Variants in LRRC9 observed in about 807,000 individuals in gnomAD.
LRRC9 encodes the protein leucine rich repeat containing 9.
A neutral mutation model predicts 63.2 loss-of-function variants in LRRC9; 122 were observed. That is an observed-to-expected ratio of 1.93 (90% confidence interval 1.67 to 2.24). The LOEUF (loss-of-function observed/expected upper bound fraction) is 2.24. Among genes scored for constraint, LRRC9 ranks in the 30% most tolerant of loss-of-function variants. The pLI, the probability that LRRC9 is intolerant of heterozygous loss-of-function variation, is 0.00. For synonymous variants in LRRC9, 366 were observed against 213.1 expected (o/e 1.72, Z -6.25); for missense variants, 1,071 against 627.7 (o/e 1.71, Z -7.55).
chr14:59,996,360 A>G (rs1888790571), intron 17 of LRRC9, among the ~76,000 whole-genome samples: 2 of 152,146 alleles, frequency 1.3e-5, no homozygotes. Flanking sequence ...AAATTTTTTT[A>G]GGTTTTAATT....
At chr14:59,921,041 G>A (rs563804321) in intron 1 of LRRC9, among the ~76,000 whole-genome samples, 2 of 152,294 alleles carry the variant, frequency 1.3e-5, no homozygotes. Context: ...GAAAGAGAAT[G>A]CTTATAATAC....
chr14:60,063,259 G>T, intron 31 of LRRC9, 64 bp from the exon 33 acceptor site: 1 of 680,804 alleles, frequency 1.5e-6, no homozygotes, highest in Non-Finnish European at 2.6e-6. Context: ...ATTACCTTAA[G>T]TTAGCTGATC....
At chr14:59,925,447 C>G (rs894425084) in intron 1 of LRRC9, among the ~76,000 whole-genome samples, 3 of 152,160 alleles carry the variant, frequency 2.0e-5, no homozygotes, top group Non-Finnish European at 4.4e-5. Flanking sequence ...CTTTCTCCAT[C>G]AAGCCCTTTA....
chr14:59,971,215 C>A (rs995881560), intron 12 of LRRC9, among the ~76,000 whole-genome samples: 1 of 151,984 alleles, frequency 6.6e-6, no homozygotes, highest in Non-Finnish European at 1.5e-5. Flanking sequence ...TTTTTGTCAG[C>A]TTTGTTGAAA....
intron 19 of LRRC9, among the ~76,000 whole-genome samples, chr14:60,000,514 C>A (rs1889255111): frequency 6.6e-6 from 1 of 151,990 alleles, no homozygotes; most frequent in South Asian, 2.1e-4. Context: ...GTGGTATTGG[C>A]ACAGAGCTAG....
rs748756995 is a variant in LRRC9, at chr14:59,958,819, G to A, written c.883-999G>A. 2.6e-5 allele frequency among the ~76,000 whole-genome samples: 4 copies of A among 152,318 alleles called. No individual in the cohort carries two copies. The highest frequency in any genetic ancestry group is 3.9e-4 in the East Asian group (2 of 5,184). On this transcript the variant is annotated intron_variant, in intron 8 of 31. Coordinates refer to ENST00000445360, the Ensembl canonical transcript of LRRC9. The surrounding 1 kb of genome is among the most constrained non-coding windows in gnomAD (Gnocchi z 4.0). ...AACGGTGGGAAAAGCATAGTAACCC[G>A]GCTGGGTAGCACAGTCCCTCACAGC...
At chr14:59,921,693 G>C (rs185165632) in intron 1 of LRRC9, among the ~76,000 whole-genome samples, 104 of 151,604 alleles carry the variant, frequency 6.9e-4, no homozygotes, top group African/African-American at 2.4e-3. Context: ...CATTCAGATG[G>C]AGCTTTTTCA....
intron 29 of LRRC9, among the ~76,000 whole-genome samples, chr14:60,033,438 A>T (rs1351938388): frequency 6.6e-6 from 1 of 152,158 alleles, no homozygotes; most frequent in East Asian, 1.9e-4. Flanking sequence ...AGGTTATGGG[A>T]AGATAACCTA....
chr14:59,945,311 G>A (rs78175323), intron 8 of LRRC9, among the ~76,000 whole-genome samples: 2,182 of 151,900 alleles, frequency 0.014, 54 homozygotes, highest in East Asian at 0.059. Flanking sequence ...AACTCAAAAC[G>A]GAATCTTGTA....
chr14:59,980,025 A>G (rs1886760811), intron 15 of LRRC9, among the ~76,000 whole-genome samples: 1 of 152,152 alleles, frequency 6.6e-6, no homozygotes, highest in African/African-American at 2.4e-5. Flanking sequence ...TCACAAGTTA[A>G]TTTTTAAGAG....
At chr14:60,000,229 G>A (rs567527791) in intron 19 of LRRC9, among the ~76,000 whole-genome samples, 8 of 152,142 alleles carry the variant, frequency 5.3e-5, no homozygotes, top group South Asian at 2.1e-4. Flanking sequence ...ACTTATAAGC[G>A]GGAGCTAAAC....
At chr14:60,062,080 G>A (rs1894691034) in intron 31 of LRRC9, 1 of 398,378 alleles carries the variant, frequency 2.5e-6, no homozygotes, top group Non-Finnish European at 4.4e-6. Flanking sequence ...ATAGCTTTTC[G>A]GCAACTCAGA....
intron 23 of LRRC9, among the ~76,000 whole-genome samples, chr14:60,011,720 C>G (rs997108473): frequency 6.6e-6 from 1 of 152,062 alleles, no homozygotes; most frequent in African/African-American, 2.4e-5. Context: ...AATGGGAATG[C>G]ATTGGATTTG....
intron 7 of LRRC9, among the ~76,000 whole-genome samples, chr14:59,943,846 T>C (rs1882052311): frequency 6.6e-6 from 1 of 151,956 alleles, no homozygotes. Context: ...TGTCTAAGAG[T>C]GTAAAAGCCT....
rs1341572097 is a variant in LRRC9, at chr14:59,958,419, C to G, written c.883-1399C>G. Reference sequence around the variant, plus strand: ...GGCCCAGACCTCCCAAACTCCTTAGCACTGTCAGGGAAAAACCACCTACTA... The same window carrying G: ...GGCCCAGACCTCCCAAACTCCTTAGGACTGTCAGGGAAAAACCACCTACTA... On this transcript the variant is annotated intron_variant, in intron 8 of 31. Transcript: ENST00000445360. The surrounding 1 kb of genome is among the most constrained non-coding windows in gnomAD (Gnocchi z 4.0). Among the ~76,000 whole-genome samples, 1 of 152,198 alleles carries G rather than the reference C, an allele frequency of 6.6e-6. No homozygotes were observed. Among genetic ancestry groups the G allele is most frequent in the South Asian group, 2.1e-4 (1 of 4,826 alleles).
At chr14:60,038,418 T>C (rs1892640403) in intron 29 of LRRC9, among the ~76,000 whole-genome samples, 1 of 151,344 alleles carries the variant, frequency 6.6e-6, no homozygotes, top group Non-Finnish European at 1.5e-5. Flanking sequence ...TTCTTCCATT[T>C]GTTTGTGTCC....
chr14:59,960,679 A>G (rs572105317), intron 9 of LRRC9, among the ~76,000 whole-genome samples: 1 of 152,378 alleles, frequency 6.6e-6, no homozygotes, highest in Admixed American at 6.5e-5. Context: ...TGTAAGTGGT[A>G]GAGCAAGGAT....
intron 29 of LRRC9, among the ~76,000 whole-genome samples, chr14:60,033,561 T>C (rs1487634574): frequency 6.6e-6 from 1 of 152,160 alleles, no homozygotes; most frequent in Non-Finnish European, 1.5e-5. Flanking sequence ...TCTGTTAATA[T>C]GGTAAATTAC....
chr14:60,022,045 TAGAG>T (rs904871480), intron 26 of LRRC9, among the ~76,000 whole-genome samples: 10 of 151,818 alleles, frequency 6.6e-5, no homozygotes, highest in African/African-American at 2.2e-4. Flanking sequence ...GGGCTTTTGA[TAGAG>T]ATTGTATTAA....
Sources: allele counts gnomAD v4.1 joint callset (sites outside exome capture counted in the v4.1 genomes callset), GRCh38; gene constraint gnomAD v4.1.1; non-coding constraint Gnocchi (gnomAD v3.1); transcripts MANE v1.5; gene names NCBI Gene and HGNC (gene_info 2026-07-23, HGNC 2026-07-21).